Variants in WDFY3 observed in about 807,000 individuals in gnomAD.
The protein encoded by WDFY3 is WD repeat and FYVE domain containing 3, also known as WD repeat and FYVE domain-containing protein 3.
In WDFY3, 66 loss-of-function variants were observed where a neutral mutation model predicts 409.6. That is an observed-to-expected ratio of 0.16 (90% CI 0.13 to 0.20). The LOEUF is 0.20. Ranked by LOEUF, WDFY3 falls within the 10% of genes least tolerant of loss-of-function variation. WDFY3 has a pLI of 1.00. For missense variants in WDFY3, 3,031 were observed against 4,298.1 expected (o/e 0.71, Z 8.24); for synonymous variants, 1,521 against 1,537.1 (o/e 0.99, Z 0.25).
chr4:84,829,870 TG>T (rs1381168675), intron 8 of WDFY3, among the ~76,000 whole-genome samples: 1 of 142,264 alleles, frequency 7.0e-6, no homozygotes, highest in Non-Finnish European at 1.5e-5. Flanking sequence ...TATAGACCAA[TG>T]AGATACAGAA....
chr4:84,687,717 A>T (rs1275585239), intron 62 of WDFY3: 1 of 156,738 alleles, frequency 6.4e-6, no homozygotes, highest in African/African-American at 2.4e-5. Flanking sequence ...AAATTTATTT[A>T]TTTTTTTAAG....
In WDFY3 at chr4:84,932,917, G is replaced by A. The variant is rs1031552560; in HGVS notation, c.-225-554C>T. On this transcript the variant is annotated intron_variant, in intron 1 of 67. Transcript: ENST00000295888. ...GTTGCCTTATACAGGATATATAAAT[G>A]TTTCCTTTCATTTACCAGTCAATAT... Among the ~76,000 whole-genome samples, 10 of 152,082 alleles carry A rather than the reference G, an allele frequency of 6.6e-5. 1 individual carries two copies. The highest frequency in any genetic ancestry group is 2.4e-4 in the African/African-American group (10 of 41,412).
intron 3 of WDFY3, among the ~76,000 whole-genome samples, chr4:84,881,288 T>G (rs1763500214): frequency 6.6e-6 from 1 of 152,140 alleles, no homozygotes; most frequent in African/African-American, 2.4e-5. Context: ...GCAAATAACG[T>G]ATCTCCCTGT....
chr4:84,910,211 G>A (rs1009330373), intron 2 of WDFY3, among the ~76,000 whole-genome samples: 1 of 152,056 alleles, frequency 6.6e-6, no homozygotes, highest in Non-Finnish European at 1.5e-5. Flanking sequence ...ACAGTATACA[G>A]GAGGATACGC....
In WDFY3 at chr4:84,672,449, T is replaced by C. The variant is rs1326730425; in HGVS notation, c.*419A>G. On this transcript the variant is annotated 3_prime_UTR_variant, in exon 68 of 68. Coordinates refer to ENST00000295888, the MANE Select transcript of WDFY3 (RefSeq NM_014991.6). ...AAAGGCCTTTTATATCTATTTACAA[T>C]ATACATAGTTACTTGCAAAGAAGTC... 1.3e-5 allele frequency: 2 copies of C among 154,378 alleles called. No homozygotes were observed. The highest frequency in any genetic ancestry group is 1.9e-4 in the East Asian group (1 of 5,238). 9.6% of individuals were successfully genotyped at this position (154,378 alleles called of 1,614,324 possible). A position where few individuals can be genotyped will look rare whatever the true frequency, so the allele number is the denominator to read the frequency against.
chr4:84,727,198 A>G (rs1735796170), intron 44 of WDFY3, among the ~76,000 whole-genome samples: 1 of 152,040 alleles, frequency 6.6e-6, no homozygotes, highest in African/African-American at 2.4e-5. Context: ...ACAGGCTGCC[A>G]TTGACTTGGA....
intron 2 of WDFY3, among the ~76,000 whole-genome samples, chr4:84,909,052 A>ACG (rs1247843532): frequency 5.3e-5 from 8 of 152,058 alleles, no homozygotes; most frequent in African/African-American, 1.9e-4. Context: ...ACACACGCAC[A>ACG]CACACACAAA....
rs753130395 is a variant in WDFY3, at chr4:84,821,254, G to A, written c.1421C>T (p.Ser474Phe). 1 of 1,613,726 alleles carries A rather than the reference G, an allele frequency of 6.2e-7. No individual in the cohort carries two copies. The highest frequency in any genetic ancestry group is 2.2e-5 in the East Asian group (1 of 44,850). The change falls in exon 11 of 68, where the codon TCT (serine) becomes TTT (phenylalanine). Residue 474 changes from serine (S) to phenylalanine (F), a missense_variant. Physicochemically the swap from Ser to Phe is radical, Grantham distance 155. This residue lies in a region of WDFY3 where 1,322 missense variants were observed against 1,697.9 expected (regional missense o/e 0.78). Coordinates refer to ENST00000295888, the MANE Select transcript of WDFY3 (RefSeq NM_014991.6). Reference sequence around the variant, plus strand: ...TGCAATAATGCTACAGTGATAAGAAGAGCTAGATTTTAAGAGGATACTGAC... The same window carrying A: ...TGCAATAATGCTACAGTGATAAGAAAAGCTAGATTTTAAGAGGATACTGAC... ...ISVSILLKSS[S>F]SYHCSIIAMK...
intron 3 of WDFY3, among the ~76,000 whole-genome samples, chr4:84,885,460 A>G (rs985468807): frequency 1.1e-4 from 17 of 152,094 alleles, no homozygotes; most frequent in African/African-American, 4.1e-4. Flanking sequence ...TTCAAAATTA[A>G]ATATTTTGGC....
At chr4:84,838,741 C>T (rs949468602) in intron 6 of WDFY3, among the ~76,000 whole-genome samples, 3 of 152,232 alleles carry the variant, frequency 2.0e-5, no homozygotes, top group African/African-American at 7.2e-5. Context: ...CTTATGTTAC[C>T]ATACATTTAA....
chr4:84,714,985 A>G (rs566381572), intron 50 of WDFY3, among the ~76,000 whole-genome samples: 2 of 152,122 alleles, frequency 1.3e-5, no homozygotes, highest in South Asian at 4.1e-4. Flanking sequence ...AAAAGAAACT[A>G]AAGTTTTATT....
intron 1 of WDFY3, among the ~76,000 whole-genome samples, chr4:84,941,636 A>T (rs112613641): frequency 6.6e-6 from 1 of 152,202 alleles, no homozygotes; most frequent in Non-Finnish European, 1.5e-5. Context: ...TGCAATCCCA[A>T]TCAAAATTAG....
intron 3 of WDFY3, among the ~76,000 whole-genome samples, chr4:84,883,921 G>A (rs922215504): frequency 6.6e-6 from 1 of 151,958 alleles, no homozygotes; most frequent in Non-Finnish European, 1.5e-5. Context: ...AAAAGCAGAC[G>A]TAACGTTCTA....
At chr4:84,849,730 G>GAAGATGCTGAAACC (rs1335535783) in intron 5 of WDFY3, 172 bp downstream of exon 5, 5 of 837,098 alleles carry the variant, frequency 6.0e-6, no homozygotes, top group Non-Finnish European at 8.8e-6. Context: ...CTGGAGAGTT[G>GAAGATGCTGAAACC]AAGATGCTGA....
intron 1 of WDFY3, among the ~76,000 whole-genome samples, chr4:84,953,186 A>G (rs953886975): frequency 6.6e-6 from 1 of 152,146 alleles, no homozygotes; most frequent in African/African-American, 2.4e-5. Context: ...GCCAGACACC[A>G]AAAGAAAAAT....
At chr4:84,684,202 C>T in intron 62 of WDFY3, 77 bp from the exon 63 acceptor site, 1 of 1,391,592 alleles carries the variant, frequency 7.2e-7, no homozygotes. Context: ...AATTGAATCC[C>T]TGGCCTAGTT....
chr4:84,753,011 A>T (rs1218980790), intron 35 of WDFY3, among the ~76,000 whole-genome samples: 1 of 152,204 alleles, frequency 6.6e-6, no homozygotes, highest in Non-Finnish European at 1.5e-5. Flanking sequence ...TACTGTAATG[A>T]ATAGTATTTA....
At chr4:84,700,632 G>T (rs1307446197) in intron 56 of WDFY3, among the ~76,000 whole-genome samples, 1 of 152,248 alleles carries the variant, frequency 6.6e-6, no homozygotes, top group Non-Finnish European at 1.5e-5. Flanking sequence ...AGTTGGGTTT[G>T]TAAGTGGTCG....
intron 32 of WDFY3, among the ~76,000 whole-genome samples, chr4:84,764,408 G>A (rs972446031): frequency 1.7e-4 from 26 of 152,156 alleles, no homozygotes; most frequent in Non-Finnish European, 1.8e-4. Flanking sequence ...AAGTACCCAT[G>A]ATGATCATTT....
Sources: gnomAD v4.1 joint callset for allele counts (sites outside exome capture counted in the v4.1 genomes callset) on GRCh38, gnomAD v4.1.1 for gene constraint, gnomAD v4.1.1 regional missense constraint, MANE v1.5 for transcripts, NCBI Gene and HGNC (gene_info 2026-07-23, HGNC 2026-07-21) for gene names.